MED27: variants seen among roughly 807,000 people sequenced by gnomAD.
MED27 encodes mediator complex subunit 27, also known as mediator of RNA polymerase II transcription subunit 27.
A neutral mutation model predicts 38.2 loss-of-function variants in MED27; 30 were observed. The ratio of observed to expected loss-of-function variants is 0.79; its 90% CI spans 0.59 to 1.07. The LOEUF is 1.07. Among genes scored for constraint, MED27 ranks in the 50% least tolerant of loss-of-function variants. The pLI is 0.00. For missense variants in MED27, 289 were observed against 397.5 expected (o/e 0.73, Z 2.32); for synonymous variants, 122 against 153.5 (o/e 0.79, Z 1.52).
intron 6 of MED27, among the ~76,000 whole-genome samples, chr9:131,868,123 G>C (rs557345684): frequency 6.6e-6 from 1 of 152,224 alleles, no homozygotes; most frequent in Non-Finnish European, 1.5e-5. Context: ...GTGGAGTGGG[G>C]GTTTTTCCTT....
chr9:131,919,398 G>A (rs2131549087), intron 4 of MED27, among the ~76,000 whole-genome samples: 1 of 152,180 alleles, frequency 6.6e-6, no homozygotes, highest in South Asian at 2.1e-4. Flanking sequence ...CCAAGTGGGT[G>A]GCAAGCAAGC....
At chr9:132,001,652 A>G (rs1399431683) in intron 3 of MED27, among the ~76,000 whole-genome samples, 1 of 152,238 alleles carries the variant, frequency 6.6e-6, no homozygotes, top group East Asian at 1.9e-4. Context: ...GATACATTCC[A>G]GAGCTGATGA....
chr9:131,994,259 T>G (rs1233429508), intron 3 of MED27, among the ~76,000 whole-genome samples: 1 of 152,200 alleles, frequency 6.6e-6, no homozygotes, highest in African/African-American at 2.4e-5. Context: ...AAATGAGAAC[T>G]TATTGTATTT....
intron 2 of MED27, chr9:132,031,855 A>C (rs1485504433): frequency 6.6e-6 from 1 of 152,178 alleles, no homozygotes; most frequent in Non-Finnish European, 1.5e-5. Context: ...TACACACTAC[A>C]AAATGTGCTT....
chr9:131,939,240 C>T, intron 4 of MED27, 141 bp downstream of exon 4: 1 of 463,652 alleles, frequency 2.2e-6, no homozygotes, highest in Non-Finnish European at 3.7e-6. Flanking sequence ...CTACAGAATG[C>T]CAGTAAAGAA....
intron 2 of MED27, 117 bp downstream of exon 2, chr9:132,077,325 C>T: frequency 9.6e-7 from 1 of 1,041,652 alleles, no homozygotes; most frequent in Non-Finnish European, 1.4e-6. Flanking sequence ...CTCTATAACC[C>T]CATGCTGAAT....
At chr9:131,895,292 C>T (rs538914070) in intron 4 of MED27, among the ~76,000 whole-genome samples, 7 of 152,266 alleles carry the variant, frequency 4.6e-5, no homozygotes, top group Admixed American at 6.5e-5. Context: ...GCCCATAGTG[C>T]GAGTTGCTCT....
At chr9:132,046,790 T>TACACACAC (rs1833350841) in intron 2 of MED27, among the ~76,000 whole-genome samples, 1 of 152,162 alleles carries the variant, frequency 6.6e-6, no homozygotes, top group African/African-American at 2.4e-5. Context: ...CATACGCACA[T>TACACACAC]ACACACACAT....
At chr9:131,930,022 T>C (rs528625155) in intron 4 of MED27, among the ~76,000 whole-genome samples, 248 of 151,006 alleles carry the variant, frequency 1.6e-3, no homozygotes, top group African/African-American at 5.9e-3. Context: ...CAGCTCCAGG[T>C]GGCTTAGCAC....
At chr9:131,882,839 C>T (rs1392289967) in intron 6 of MED27, among the ~76,000 whole-genome samples, 1 of 152,166 alleles carries the variant, frequency 6.6e-6, no homozygotes, top group Non-Finnish European at 1.5e-5. Context: ...GGCTTCCTTG[C>T]CTGTTGGAGT....
chr9:131,968,171 T>C (rs894053829), intron 3 of MED27, among the ~76,000 whole-genome samples: 42 of 152,084 alleles, frequency 2.8e-4, no homozygotes, highest in African/African-American at 9.7e-4. Flanking sequence ...AAAAGATATT[T>C]ATGCTTATAA....
intron 2 of MED27, among the ~76,000 whole-genome samples, chr9:132,072,679 T>C (rs186453148): frequency 6.6e-6 from 1 of 152,218 alleles, no homozygotes; most frequent in Admixed American, 6.5e-5. Flanking sequence ...CTACGAAGGT[T>C]AGATTTAGGT....
At chr9:131,988,473 A>G (rs1211943925) in intron 3 of MED27, among the ~76,000 whole-genome samples, 4 of 152,240 alleles carry the variant, frequency 2.6e-5, no homozygotes, top group Non-Finnish European at 4.4e-5. Context: ...GACAATGCGG[A>G]TGAAGGCTTT....
chr9:131,899,951 G>A (rs549311987), intron 4 of MED27, among the ~76,000 whole-genome samples: 30 of 152,338 alleles, frequency 2.0e-4, no homozygotes, highest in Non-Finnish European at 1.3e-4. Context: ...CACCGACGGG[G>A]GCTACAGGTC....
chr9:131,870,431 G>A (rs1019225365), intron 6 of MED27, among the ~76,000 whole-genome samples: 2 of 152,304 alleles, frequency 1.3e-5, no homozygotes, highest in African/African-American at 2.4e-5. Context: ...GTTTTAGCCC[G>A]CTGAATCCCC....
chr9:131,903,907 T>C lies in MED27; in HGVS notation c.574-9915A>G, dbSNP rs1300338798. On this transcript the variant is annotated intron_variant, in intron 4 of 7. Coordinates refer to ENST00000292035, the MANE Select transcript of MED27 (RefSeq NM_004269.4). ...CACACACAGCTTTTTTTTTTTTTTT[T>C]CTTTTTTTTGAGATGGAGTCTCACT... Among the ~76,000 whole-genome samples, 796 of 123,512 alleles carry C rather than the reference T, an allele frequency of 6.4e-3. 4 individuals are homozygous for C. The highest frequency in any genetic ancestry group is 0.022 in the African/African-American group (739 of 34,158). The allele number at this position is 123,512 out of a possible 152,430, so 81.0% of individuals were successfully genotyped here. A position where few individuals can be genotyped will look rare whatever the true frequency, so the allele number is the denominator to read the frequency against.
chr9:131,941,124 T>C (rs1830778264), intron 3 of MED27, among the ~76,000 whole-genome samples: 1 of 152,148 alleles, frequency 6.6e-6, no homozygotes, highest in African/African-American at 2.4e-5. Flanking sequence ...AACAAAATCA[T>C]ACAAGAATTT....
intron 3 of MED27, among the ~76,000 whole-genome samples, chr9:132,006,576 T>C (rs1001574467): frequency 1.3e-5 from 2 of 151,962 alleles, no homozygotes; most frequent in African/African-American, 4.8e-5. Flanking sequence ...AGTCACTATG[T>C]AAATGGTGTC....
intron 3 of MED27, among the ~76,000 whole-genome samples, chr9:131,971,693 T>G (rs1210249483): frequency 6.6e-6 from 1 of 151,972 alleles, no homozygotes; most frequent in Non-Finnish European, 1.5e-5. Flanking sequence ...AGATATTGCT[T>G]GTGGGCTAGA....
Sources: gnomAD v4.1 joint callset for allele counts (sites outside exome capture counted in the v4.1 genomes callset) on GRCh38, gnomAD v4.1.1 for gene constraint, MANE v1.5 for transcripts, NCBI Gene and HGNC (gene_info 2026-07-23, HGNC 2026-07-21) for gene names.